RIMS2: variants seen among roughly 807,000 people sequenced by gnomAD.
The protein encoded by RIMS2 is regulating synaptic membrane exocytosis protein 2.
In RIMS2, 59 loss-of-function variants were observed where a neutral mutation model predicts 174.4. That is an observed-to-expected ratio of 0.34 (90% CI 0.27 to 0.42). RIMS2 has a LOEUF of 0.42. Among genes scored for constraint, RIMS2 ranks in the 10% least tolerant of loss-of-function variants. The pLI is 1.00. For synonymous variants in RIMS2, 606 were observed against 572.5 expected, an observed-to-expected ratio of 1.06 and a Z score of -0.84; for missense variants, 1,620 against 1,666.3, an observed-to-expected ratio of 0.97 and a Z score of 0.48.
intron 1 of RIMS2, among the ~76,000 whole-genome samples, chr8:103,601,878 C>T (rs2094764244): frequency 1.3e-5 from 2 of 152,108 alleles, no homozygotes; most frequent in Non-Finnish European, 2.9e-5. Flanking sequence ...TTATTTTAAA[C>T]TCATGACAGC....
chr8:104,239,814 A>G (rs2099277306), intron 19 of RIMS2, among the ~76,000 whole-genome samples: 1 of 152,204 alleles, frequency 6.6e-6, no homozygotes, highest in Non-Finnish European at 1.5e-5. Flanking sequence ...CAAGTCTGGC[A>G]CGTTTGGCTG....
At chr8:103,752,983 T>C (rs112678936) in intron 2 of RIMS2, among the ~76,000 whole-genome samples, 2 of 151,696 alleles carry the variant, frequency 1.3e-5, no homozygotes, top group African/African-American at 2.4e-5. Flanking sequence ...TGAATAGGAG[T>C]GGTGAGAGAG....
intron 15 of RIMS2, among the ~76,000 whole-genome samples, chr8:103,963,723 T>C (rs2090951881): frequency 6.6e-6 from 1 of 152,182 alleles, no homozygotes; most frequent in East Asian, 1.9e-4. Context: ...CCATGGTCCA[T>C]AGTTTACATT....
chr8:103,941,647 C>T (rs978618842), intron 13 of RIMS2, among the ~76,000 whole-genome samples: 19 of 152,272 alleles, frequency 1.2e-4, no homozygotes, highest in African/African-American at 4.3e-4. Flanking sequence ...TTCATTTCTA[C>T]AGACTTACAT....
At chr8:103,501,797 T>A (rs995139741) in intron 1 of RIMS2, 3 of 152,304 alleles carry the variant, frequency 2.0e-5, no homozygotes, top group Non-Finnish European at 4.4e-5. Context: ...GCTCCCTACC[T>A]TGTGAAGTTC....
At chr8:104,082,822 T>C (rs1420144417) in intron 19 of RIMS2, among the ~76,000 whole-genome samples, 1 of 152,092 alleles carries the variant, frequency 6.6e-6, no homozygotes, top group African/African-American at 2.4e-5. Flanking sequence ...TTTTTCTATA[T>C]TTTATACAAC....
At chr8:103,615,853 T>C (rs956327838) in intron 1 of RIMS2, among the ~76,000 whole-genome samples, 2 of 152,048 alleles carry the variant, frequency 1.3e-5, no homozygotes, top group Non-Finnish European at 2.9e-5. Flanking sequence ...AGACCAATAA[T>C]GAGCTCCAAA....
At chr8:104,211,479 G>A (rs934909155) in intron 19 of RIMS2, among the ~76,000 whole-genome samples, 3 of 152,040 alleles carry the variant, frequency 2.0e-5, no homozygotes, top group African/African-American at 7.2e-5. Context: ...GTCCTCCAAG[G>A]TTATGCTACG....
At chr8:103,956,917 C>G (rs938707657) in intron 14 of RIMS2, among the ~76,000 whole-genome samples, 2 of 152,020 alleles carry the variant, frequency 1.3e-5, no homozygotes, top group Non-Finnish European at 2.9e-5. Flanking sequence ...AAAAAACAAA[C>G]AAATGCATCA....
chr8:104,133,664 A>G (rs2133107671), intron 19 of RIMS2, among the ~76,000 whole-genome samples: 1 of 152,286 alleles, frequency 6.6e-6, no homozygotes, highest in Admixed American at 6.5e-5. Flanking sequence ...ATGCTGTTGC[A>G]GTAGAGAGTG....
At chr8:103,550,204 G>T (rs1209050558) in intron 1 of RIMS2, among the ~76,000 whole-genome samples, 1 of 151,984 alleles carries the variant, frequency 6.6e-6, no homozygotes, top group South Asian at 2.1e-4. Flanking sequence ...ACATAGTTGG[G>T]AGTAAAGCAC....
intron 3 of RIMS2, among the ~76,000 whole-genome samples, chr8:103,831,951 C>G (rs1311242598): frequency 6.6e-6 from 1 of 152,228 alleles, no homozygotes; most frequent in Non-Finnish European, 1.5e-5. Flanking sequence ...CTGTTTTTGT[C>G]TCATGGGTCT....
chr8:103,781,403 A>G (rs1489725740), intron 3 of RIMS2, among the ~76,000 whole-genome samples: 1 of 152,150 alleles, frequency 6.6e-6, no homozygotes, highest in African/African-American at 2.4e-5. Context: ...GAGGGAGTGA[A>G]GCCAGCTTGG....
intron 1 of RIMS2, among the ~76,000 whole-genome samples, chr8:103,612,526 G>C (rs1275585730): frequency 2.0e-5 from 3 of 152,152 alleles, no homozygotes; most frequent in Non-Finnish European, 4.4e-5. Context: ...TGGTGGCCTT[G>C]TATAACATCT....
chr8:103,900,703 T>C (rs1003424151), intron 4 of RIMS2, among the ~76,000 whole-genome samples: 2 of 152,106 alleles, frequency 1.3e-5, no homozygotes, highest in African/African-American at 4.8e-5. Context: ...TCTTAAAATG[T>C]GTGGGTTATT....
At chr8:103,768,454 A>G in intron 3 of RIMS2, 1 of 782,406 alleles carries the variant, frequency 1.3e-6, no homozygotes, top group Non-Finnish European at 2.4e-6. Context: ...GGAATGACAA[A>G]CAATGGTTCC....
At chr8:104,196,491 T>G (rs2099025222) in intron 19 of RIMS2, among the ~76,000 whole-genome samples, 2 of 152,138 alleles carry the variant, frequency 1.3e-5, no homozygotes, top group Non-Finnish European at 2.9e-5. Context: ...TCAATTAGAA[T>G]TTTTAATTCT....
chr8:104,103,391 A>G (rs1475154167), intron 19 of RIMS2, among the ~76,000 whole-genome samples: 1 of 152,198 alleles, frequency 6.6e-6, no homozygotes. Flanking sequence ...CCTGTGAATT[A>G]TATGATTTTA....
At chr8:103,502,334 G>GA (rs1820657524) in intron 1 of RIMS2, among the ~76,000 whole-genome samples, 1 of 152,058 alleles carries the variant, frequency 6.6e-6, no homozygotes, top group Non-Finnish European at 1.5e-5. Context: ...ATATTTTAAT[G>GA]AAAAATACCA....
Sources: allele counts gnomAD v4.1 joint callset (sites outside exome capture counted in the v4.1 genomes callset), GRCh38; gene constraint gnomAD v4.1.1; transcripts MANE v1.5; gene names NCBI Gene and HGNC (gene_info 2026-07-23, HGNC 2026-07-21).